Variants in ZNF730 observed in about 807,000 individuals in gnomAD.
ZNF730 encodes the protein putative zinc finger protein 730.
In ZNF730, 12 loss-of-function variants were observed where a neutral mutation model predicts 12.6. The observed-to-expected ratio is 0.95, with a 90% CI of 0.61 to 1.54. The LOEUF is 1.54. Among genes scored for constraint, ZNF730 ranks in the 40% most tolerant of loss-of-function variants. ZNF730 has a pLI of 0.00. For synonymous variants in ZNF730, 194 were observed against 195.8 expected (o/e 0.99, Z 0.08); for missense variants, 643 against 583.5 (o/e 1.10, Z -1.05).
chr19:23,081,350 C>A (rs1969963632), intron 1 of ZNF730, among the ~76,000 whole-genome samples: 1 of 151,096 alleles, frequency 6.6e-6, no homozygotes, highest in South Asian at 2.1e-4. Flanking sequence ...GATGTAGTCT[C>A]TCTCAGTCGC....
intron 1 of ZNF730, among the ~76,000 whole-genome samples, chr19:23,083,732 A>G (rs2145450626): frequency 6.6e-6 from 1 of 151,792 alleles, no homozygotes; most frequent in East Asian, 1.9e-4. Context: ...TGTTTTTTTG[A>G]TAATACCTGT....
chr19:23,085,966 T>C (rs1468836654), intron 1 of ZNF730, among the ~76,000 whole-genome samples: 1 of 147,776 alleles, frequency 6.8e-6, no homozygotes, highest in East Asian at 2.1e-4. Context: ...TGCTTCAGCC[T>C]CCTGAGTAGT....
Position 23,078,810 on chromosome 19 carries a change from C to CT in ZNF730, c.-94+3435dup, listed in dbSNP as rs200451052. 9.1e-4 allele frequency among the ~76,000 whole-genome samples: 134 copies of CT among 147,168 alleles called. No homozygotes were observed. The East Asian group carries it at 9.3e-3, about 10-fold the overall frequency. ...ACTCTGTGCAATTTAAGACAATTAT[C>CT]TTTTTTTTTTTTGAAATGGAGTTTT... is the stretch of plus-strand genomic sequence containing the variant. On this transcript the variant is annotated intron_variant, in intron 1 of 2. Transcript: ENST00000593635.
Position 23,143,010 on chromosome 19 carries a change from C to T in ZNF730, c.227-2261C>T, listed in dbSNP as rs138156055. On this transcript the variant is annotated intron_variant, in intron 3 of 3. Transcript: ENST00000597761. Reference sequence around the variant, plus strand: ...CTATAATCCTAGCACTTTGGGAGGCCGAGGCAGATGGATCATGAGGTCAGG... The same window carrying T: ...CTATAATCCTAGCACTTTGGGAGGCTGAGGCAGATGGATCATGAGGTCAGG... 5.0e-3 allele frequency among the ~76,000 whole-genome samples: 760 copies of T among 151,828 alleles called. 5 individuals carry two copies. Among genetic ancestry groups the T allele is most frequent in the African/African-American group, 0.017 (721 of 41,406 alleles).
chr19:23,117,510 CATGAATGGGA>C (rs1970546597), intron 1 of ZNF730, among the ~76,000 whole-genome samples: 1 of 152,188 alleles, frequency 6.6e-6, no homozygotes, highest in African/African-American at 2.4e-5. Flanking sequence ...GCTGCGGGTT[CATGAATGGGA>C]AGAGCTTTGG....
chr19:23,094,031 C>G (rs1970202804), intron 1 of ZNF730, among the ~76,000 whole-genome samples: 1 of 152,170 alleles, frequency 6.6e-6, no homozygotes. Context: ...TGCTTAGATC[C>G]AGCAGAGGGT....
exon 1 of ZNF730, chr19:23,075,212 T>C (rs1345428007): frequency 4.0e-5 from 6 of 151,646 alleles, no homozygotes; most frequent in Non-Finnish European, 8.8e-5. Flanking sequence ...TTTGGCGGGG[T>C]CTTTGTCTCT....
Position 23,134,220 on chromosome 19 carries a change from T to TA in ZNF730, c.130+16dup. 6.3e-7 allele frequency: 1 copy of TA among 1,586,756 alleles called. No individual in the cohort carries two copies. On this transcript the variant is annotated intron_variant, in intron 2 of 3. Transcript: ENST00000597761. ...TGGTCTTCCTGGGTGAGGATAACTT[T>TA]AATATACAATTCCTAATATACCCTA... is the stretch of plus-strand genomic sequence containing the variant.
intron 3 of ZNF730, among the ~76,000 whole-genome samples, chr19:23,141,962 GCTCT>G (rs1568317676): frequency 2.6e-5 from 4 of 151,474 alleles, no homozygotes; most frequent in African/African-American, 7.3e-5. Flanking sequence ...TAATTATATT[GCTCT>G]CTATGTGTTT....
At chr19:23,119,654 TA>T (rs1050647311) in intron 1 of ZNF730, among the ~76,000 whole-genome samples, 27 of 152,178 alleles carry the variant, frequency 1.8e-4, no homozygotes, top group Admixed American at 1.6e-3. Context: ...CTGTCTCTAC[TA>T]AAAATACAAA....
intron 1 of ZNF730, among the ~76,000 whole-genome samples, chr19:23,085,626 T>C (rs1019110898): frequency 6.9e-6 from 1 of 145,180 alleles, no homozygotes; most frequent in Non-Finnish European, 1.5e-5. Context: ...TTCTCCTGCC[T>C]CTGCCTCTCT....
intron 1 of ZNF730, among the ~76,000 whole-genome samples, chr19:23,085,496 CTTTTTTTTTTTTTTTTTT>C (rs58871710): frequency 9.5e-5 from 5 of 52,762 alleles, no homozygotes; most frequent in Non-Finnish European, 1.4e-4. Context: ...CCATGCCCGT[CTTTTTTTTTTTTTTTTTT>C]TTTTTTTTTT....
upstream of ZNF730, among the ~76,000 whole-genome samples, chr19:23,116,304 C>CTTTTCTTTTCTTTTCTTTTCTT (rs2145589111): frequency 1.1e-5 from 1 of 93,566 alleles, no homozygotes; most frequent in East Asian, 2.5e-4. Context: ...TCTGCTTTTT[C>CTTTTCTTTTCTTTTCTTTTCTT]TTTTCTTTTC....
Position 23,145,653 on chromosome 19 carries a change from T to A in ZNF730, c.609T>A (p.Cys203Ter), listed in dbSNP as rs1407647113. 1 of 1,554,846 alleles carries A rather than the reference T, an allele frequency of 6.4e-7. No homozygotes were observed. Among genetic ancestry groups the A allele is most frequent in the Non-Finnish European group, 8.7e-7 (1 of 1,151,202 alleles). The change falls in exon 4 of 4, where the codon TGT becomes TGA. Residue 203 changes from cysteine to a stop codon, truncating the protein, a stop_gained. Transcript: ENST00000597761. LOFTEE classifies it low-confidence loss of function (END_TRUNC). ...KIHTGEKSYK[C>*]EEYGKAFNES... ...ATACTGGAGAGAAATCCTACAAATGTGAAGAATATGGCAAAGCCTTTAATG... is the reference window on the plus strand; with the variant it reads ...ATACTGGAGAGAAATCCTACAAATGAGAAGAATATGGCAAAGCCTTTAATG...
chr19:23,134,473 TG>T (rs985948734), intron 2 of ZNF730, among the ~76,000 whole-genome samples: 4 of 133,020 alleles, frequency 3.0e-5, no homozygotes, highest in East Asian at 2.3e-4. Context: ...GGGAGGGAGG[TG>T]GGGGGGCCAG....
At chr19:23,087,033 TTA>T (rs59923496) in intron 1 of ZNF730, among the ~76,000 whole-genome samples, 45,433 of 151,962 alleles carry the variant, frequency 0.3, 7,631 homozygotes, top group African/African-American at 0.46. Context: ...CCTAGGCATT[TTA>T]TCTTTTTTGT....
At chr19:23,079,050 CCCT>C (rs1308797646) in intron 1 of ZNF730, among the ~76,000 whole-genome samples, 1 of 152,150 alleles carries the variant, frequency 6.6e-6, no homozygotes, top group Non-Finnish European at 1.5e-5. Flanking sequence ...AGGTGATCTG[CCCT>C]CCTCAGCCTC....
chr19:23,100,700 GGC>G (rs1341850118), intron 1 of ZNF730, among the ~76,000 whole-genome samples: 1 of 127,014 alleles, frequency 7.9e-6, no homozygotes, highest in Non-Finnish European at 1.6e-5. Context: ...CTGTCACCCA[GGC>G]TGGAGTGCAG....
At chr19:23,106,652 A>G (rs897038774) in intron 1 of ZNF730, among the ~76,000 whole-genome samples, 1 of 152,106 alleles carries the variant, frequency 6.6e-6, no homozygotes, top group South Asian at 2.1e-4. Context: ...TTAGCTGGGT[A>G]TGGTGGCACA....
Sources: allele counts gnomAD v4.1 joint callset (sites outside exome capture counted in the v4.1 genomes callset), GRCh38; gene constraint gnomAD v4.1.1; transcripts MANE v1.5; gene names NCBI Gene and HGNC (gene_info 2026-07-23, HGNC 2026-07-21).